Variants in CELSR2 observed in about 807,000 individuals in gnomAD.
CELSR2 encodes the protein EGF-like protein 2.
CELSR2 carries 81 observed loss-of-function variants against 251.6 expected under a neutral mutation model. The observed-to-expected ratio is 0.32, with a 90% CI of 0.27 to 0.39. The LOEUF (loss-of-function observed/expected upper bound fraction) is 0.39, where lower values mean the gene tolerates loss of function less well. CELSR2 is among the 10% of genes least tolerant of loss of function. The probability of loss-of-function intolerance (pLI) is 1.00; values close to 1 mark genes in which losing one functional copy is unlikely to be tolerated. For synonymous variants in CELSR2, 1,721 were observed against 1,670.5 expected (o/e 1.03, Z -0.74); for missense variants, 3,365 against 3,947.7 (o/e 0.85, Z 3.96).
At chr1:109,254,671 T>A (rs1378013975) in intron 1 of CELSR2, among the ~76,000 whole-genome samples, 1 of 151,706 alleles carries the variant, frequency 6.6e-6, no homozygotes, top group Middle Eastern at 3.2e-3. Context: ...CCCCAGGGAG[T>A]GTGGCCTGAA....
chr1:109,265,229 C>G lies in CELSR2; in HGVS notation c.5645C>G (p.Pro1882Arg), dbSNP rs200278574. ...QPCPRGWWGH[P>R]TCGPCNCDVS... ...TGTCCCCGTGGCTGGTGGGGACATC[C>G]CACATGTGGCCCATGCAACTGTGAT... Residue 1882 changes from proline to arginine, a missense_variant, in exon 13 of 34, where the codon CCC (proline) becomes CGC (arginine). By Grantham distance (103) the Pro-to-Arg change is moderately radical (BLOSUM62 -2). Around this residue, in one of 5 missense-constraint regions of CELSR2, gnomAD observed 2,093 missense variants for 2,382.8 expected, o/e 0.88. Transcript: ENST00000271332. 6.2e-7 allele frequency: 1 copy of G among 1,612,200 alleles called. No individual in the cohort carries two copies. The highest frequency in any genetic ancestry group is 8.5e-7 in the Non-Finnish European group (1 of 1,178,782).
chr1:109,265,218 G>T lies in CELSR2; in HGVS notation c.5634G>T (p.Trp1878Cys). The T allele has an allele frequency of 6.2e-7, 1 of 1,610,684 alleles. No homozygotes were observed. Among genetic ancestry groups the T allele is most frequent in the Non-Finnish European group, 8.5e-7 (1 of 1,177,882 alleles). Reference sequence around the variant, plus strand: ...TTGACCAGCCTTGTCCCCGTGGCTGGTGGGGACATCCCACATGTGGCCCAT... The same window carrying T: ...TTGACCAGCCTTGTCCCCGTGGCTGTTGGGGACATCCCACATGTGGCCCAT... ...TRIDQPCPRG[W>C]WGHPTCGPCN... Residue 1878 changes from tryptophan (W) to cysteine (C), a missense_variant, in exon 13 of 34, where the codon TGG (tryptophan) becomes TGT (cysteine). This residue lies in a region of CELSR2 where 2,093 missense variants were observed against 2,382.8 expected (regional missense o/e 0.88). Transcript: ENST00000271332.
intron 8 of CELSR2, 54 bp from the exon 9 acceptor site, chr1:109,263,557 C>T (rs1329762623): frequency 6.3e-7 from 1 of 1,595,516 alleles, no homozygotes; most frequent in Non-Finnish European, 8.6e-7. Flanking sequence ...CATCACAGCC[C>T]CAGGGCCCTC....
chr1:109,264,385 C>CCA lies in CELSR2; in HGVS notation c.5289+20_5289+21insCA. 6.3e-7 allele frequency: 1 copy of CCA among 1,594,230 alleles called. No homozygotes were observed. The highest frequency in any genetic ancestry group is 8.6e-7 in the Non-Finnish European group (1 of 1,164,644). On this transcript the variant is annotated intron_variant, in intron 10 of 33. Coordinates refer to ENST00000271332, the MANE Select transcript of CELSR2 (RefSeq NM_001408.3). ...TTGCAGGTGAGTGTCCTGCCCTGCC[C>CCA]TCCCATCCCCTCCCCCACCACCTGC... is the stretch of plus-strand genomic sequence containing the variant.
In CELSR2 at chr1:109,264,130, C is replaced by T. The variant is rs755840572; in HGVS notation, c.5054C>T (p.Ser1685Phe). The T allele has an allele frequency of 1.2e-6, 2 of 1,604,282 alleles. No individual in the cohort carries two copies. The highest frequency in any genetic ancestry group is 1.7e-5 in the Admixed American group (1 of 59,850). Residue 1685 changes from serine to phenylalanine, a missense_variant, in exon 10 of 34, where the codon TCC becomes TTC. Physicochemically the swap from Ser to Phe is radical, Grantham distance 155 (BLOSUM62 -2). Coordinates refer to ENST00000271332, the MANE Select transcript of CELSR2 (RefSeq NM_001408.3). ...GTGGAGGGCACAGGGCTTCAGGCCT[C>T]CTCTCTCCGTCTGGAGCCAGGCCGG... ...LSVEGTGLQA[S>F]SLRLEPGRAN...
At chr1:109,271,913 G>A (rs989294005) in intron 28 of CELSR2, among the ~76,000 whole-genome samples, 191 bp downstream of exon 28, 3 of 152,198 alleles carry the variant, frequency 2.0e-5, no homozygotes, top group African/African-American at 7.2e-5. Context: ...TTTGACTTGA[G>A]GGAGATGGGG....
rs1217274064 is a variant in CELSR2, at chr1:109,258,706, C to G, written c.3585C>G (p.Gly1195=). 6.4e-7 allele frequency: 1 copy of G among 1,550,762 alleles called. No individual in the cohort carries two copies. The highest frequency in any genetic ancestry group is 8.7e-7 in the Non-Finnish European group (1 of 1,146,928). ...LSVGQPPGPG[G]GPPFLPSEDL... ...TGGGCCAGCCGCCAGGGCCCGGGGGCGGGCCGCCCTTCCTGCCCTCTGAGG... is the reference window on the plus strand; with the variant it reads ...TGGGCCAGCCGCCAGGGCCCGGGGGGGGGCCGCCCTTCCTGCCCTCTGAGG... The change falls in exon 2 of 34, where the codon GGC becomes GGG. Residue 1195 remains glycine (G), a synonymous_variant. Transcript: ENST00000271332.
Position 109,270,131 on chromosome 1 carries a change from C to A in CELSR2, c.7306C>A (p.Pro2436Thr), listed in dbSNP as rs1437390785. The change falls in exon 23 of 34, where the codon CCT (proline) becomes ACT (threonine). Residue 2436 changes from proline (P) to threonine (T), a missense_variant and splice_region_variant. Transcript: ENST00000271332. ...FLLGINQADL[P>T]FACTVIAILL... ...CCTGGGAATCAACCAGGCTGACCTC[C>A]CTGTAAGATGCTCCTACTGCCCAGA... is the stretch of plus-strand genomic sequence containing the variant. 1 of 1,613,796 alleles carries A rather than the reference C, an allele frequency of 6.2e-7. No individual in the cohort carries two copies. The highest frequency in any genetic ancestry group is 1.1e-5 in the South Asian group (1 of 91,078).
intron 11 of CELSR2, 106 bp from the exon 12 acceptor site, chr1:109,264,762 G>C: frequency 6.3e-7 from 1 of 1,592,558 alleles, no homozygotes; most frequent in Middle Eastern, 1.7e-4. Context: ...CAAAGCCATA[G>C]CCAGCTGATA....
At position 109,261,808 on chromosome 1, in the gene CELSR2, G is replaced by C. The variant is rs1444160305; in HGVS notation, c.4298G>C (p.Gly1433Ala). 1 of 1,589,920 alleles carries C rather than the reference G, an allele frequency of 6.3e-7. No individual in the cohort carries two copies. Among genetic ancestry groups the C allele is most frequent in the African/African-American group, 1.3e-5 (1 of 74,282 alleles). The part of the protein sequence containing the change: ...QEQVQLTFSA[G>A]ESTTTVSPFV... ...CCAGCTCACCTGGTCCTTTCCCCAG[G>C]GGAGTCAACCACCACGGTGTCCCCA... is the stretch of plus-strand genomic sequence containing the variant. Residue 1433 changes from glycine to alanine, a missense_variant and splice_region_variant, in exon 5 of 34, where the codon GGG becomes GCG. Physicochemically the swap from Gly to Ala is moderately conservative, Grantham distance 60. This residue lies in a region of CELSR2 where 2,093 missense variants were observed against 2,382.8 expected (regional missense o/e 0.88). Transcript: ENST00000271332. This position sits in a 1 kb window ranked among gnomAD's most constrained non-coding sequence, Gnocchi z 4.8.
chr1:109,256,966 T>C (rs1655866614), intron 1 of CELSR2, among the ~76,000 whole-genome samples: 1 of 152,236 alleles, frequency 6.6e-6, no homozygotes, highest in African/African-American at 2.4e-5. Context: ...CCCCCTGCTA[T>C]GTTTTAAAGT....
Position 109,258,935 on chromosome 1 carries a change from C to T in CELSR2, c.3814C>T (p.Leu1272=). The T allele has an allele frequency of 6.2e-7, 1 of 1,611,896 alleles. No individual in the cohort carries two copies. Among genetic ancestry groups the T allele is most frequent in the Non-Finnish European group, 8.5e-7 (1 of 1,179,560 alleles). ...LFRPIHPVGG[L]RCRCPPGFTG... The stretch of plus-strand genomic sequence containing the variant: ...CCGGCCCATCCACCCCGTCGGAGGG[C>T]TGCGCTGCCGCTGCCCGCCCGGCTT... Residue 1272 remains leucine (L), a synonymous_variant, in exon 2 of 34, where the codon CTG becomes TTG. Transcript: ENST00000271332.
Position 109,262,905 on chromosome 1 carries a change from C to T in CELSR2, c.4644C>T (p.Asn1548=), listed in dbSNP as rs934436071. Residue 1548 remains asparagine, a synonymous_variant, in exon 7 of 34, where the codon AAC becomes AAT. Transcript: ENST00000271332. ...GGCAGTTCGTGGGCTGCATGCGGAA[C>T]CTGCAGGTGGACAGCCGGCACATAG... ...RMRQFVGCMR[N]LQVDSRHIDM... is the part of the protein sequence containing the mutation. 6.2e-7 allele frequency: 1 copy of T among 1,613,814 alleles called. No individual in the cohort carries two copies. Among genetic ancestry groups the T allele is most frequent in the South Asian group, 1.1e-5 (1 of 91,080 alleles).
chr1:109,256,664 CAG>C (rs574644323), intron 1 of CELSR2, among the ~76,000 whole-genome samples: 18 of 146,472 alleles, frequency 1.2e-4, no homozygotes, highest in African/African-American at 4.7e-4. Flanking sequence ...TTGTTTGGGA[CAG>C]AGTCTCACTC....
chr1:109,272,311 C>T lies in CELSR2; in HGVS notation c.7960C>T (p.Arg2654Trp), dbSNP rs375735096. ...YNCPSPYADGRLYQPYGDSAG... is the reference protein window; with the variant it reads ...YNCPSPYADGWLYQPYGDSAG... Reference sequence around the variant, plus strand: ...CTGCCCCAGCCCCTACGCAGATGGGCGGCTGTACCAGCCCTACGGAGACTC... The same window carrying T: ...CTGCCCCAGCCCCTACGCAGATGGGTGGCTGTACCAGCCCTACGGAGACTC... Residue 2654 changes from arginine to tryptophan, a missense_variant, in exon 29 of 34, where the codon CGG (arginine) becomes TGG (tryptophan). Arg to Trp is a moderately radical substitution (Grantham distance 101). Around this residue, in one of 5 missense-constraint regions of CELSR2, gnomAD observed 2,093 missense variants for 2,382.8 expected, o/e 0.88. Coordinates refer to ENST00000271332, the MANE Select transcript of CELSR2 (RefSeq NM_001408.3). The T allele has an allele frequency of 3.4e-5, 54 of 1,609,014 alleles. No individual in the cohort carries two copies. Among genetic ancestry groups the T allele is most frequent in the Admixed American group, 2.7e-4 (16 of 59,802 alleles).
At chr1:109,265,454 C>A in intron 13 of CELSR2, 143 bp downstream of exon 13, 1 of 1,021,520 alleles carries the variant, frequency 9.8e-7, no homozygotes, top group Non-Finnish European at 1.4e-6. Context: ...GGGCAGTTGG[C>A]TGCTTACCTT....
At chr1:109,265,509 A>G (rs893728535) in intron 13 of CELSR2, among the ~76,000 whole-genome samples, 198 bp downstream of exon 13, 4 of 152,212 alleles carry the variant, frequency 2.6e-5, no homozygotes, top group Admixed American at 2.6e-4. Context: ...TGTGTAACCC[A>G]TGAGCTCTGG....
rs148771642 is a variant in CELSR2 at position 109,261,842 on chromosome 1, C to T, written c.4332C>T (p.Pro1444=). Residue 1444 remains proline, a synonymous_variant, in exon 5 of 34, where the codon CCC becomes CCT. Transcript: ENST00000271332. This position sits in a 1 kb window ranked among gnomAD's most constrained non-coding sequence, Gnocchi z 4.8. ...ESTTTVSPFV[P]GGVSDGQWHT... ...CCACCACGGTGTCCCCATTCGTGCC[C>T]GGAGGAGTCAGTGATGGCCAGTGGC... 1.2e-4 allele frequency: 191 copies of T among 1,595,000 alleles called. No individual in the cohort carries two copies. The highest frequency in any genetic ancestry group is 1.8e-4 in the South Asian group (16 of 88,546).
In CELSR2 at chr1:109,261,471, T is replaced by C; in HGVS notation, c.4182-42T>C. On this transcript the variant is annotated intron_variant, in intron 3 of 33. Transcript: ENST00000271332. This position sits in a 1 kb window ranked among gnomAD's most constrained non-coding sequence, Gnocchi z 4.8. ...GGTGGCGGGGGTGCTGGCATCCAGG[T>C]GGGTACCCCATTCCCTGCCCCCATC... is the stretch of plus-strand genomic sequence containing the variant. The C allele has an allele frequency of 6.3e-7, 1 of 1,575,716 alleles. No homozygotes were observed. Among genetic ancestry groups the C allele is most frequent in the Non-Finnish European group, 8.7e-7 (1 of 1,145,308 alleles).
Sources: allele counts gnomAD v4.1 joint callset (sites outside exome capture counted in the v4.1 genomes callset), GRCh38; gene constraint gnomAD v4.1.1; regional missense constraint gnomAD v4.1.1; non-coding constraint Gnocchi (gnomAD v3.1); transcripts MANE v1.5; gene names NCBI Gene and HGNC (gene_info 2026-07-23, HGNC 2026-07-21).